The following ADA2 variants were observed in gnomAD, a reference collection of about 807,000 sequenced individuals.
The protein encoded by ADA2 is adenosine deaminase 2.
A neutral mutation model predicts 44.2 loss-of-function variants in ADA2; 29 were observed. That is an observed-to-expected ratio of 0.66 (90% CI 0.49 to 0.89). ADA2 has a LOEUF of 0.89. ADA2 is among the 40% of genes least tolerant of loss of function. The pLI is 0.00. For synonymous variants in ADA2, 215 were observed against 234.9 expected (o/e 0.92, Z 0.77); for missense variants, 637 against 644.8 (o/e 0.99, Z 0.13).
chr22:17,187,629 G>A (rs1344427631), intron 7 of ADA2, among the ~76,000 whole-genome samples: 1 of 149,782 alleles, frequency 6.7e-6, no homozygotes, highest in Non-Finnish European at 1.5e-5. Flanking sequence ...GTAGGATGAT[G>A]TGAGTTTGCA....
intron 4 of ADA2, 108 bp from the exon 5 acceptor site, chr22:17,191,918 A>T: frequency 1.1e-6 from 1 of 878,350 alleles, no homozygotes. Flanking sequence ...CTGCCCAACC[A>T]CCCCCTTCCC....
At chr22:17,188,098 A>G (rs1182868460) in intron 7 of ADA2, among the ~76,000 whole-genome samples, 2 of 101,772 alleles carry the variant, frequency 2.0e-5, no homozygotes, top group Non-Finnish European at 4.2e-5. Flanking sequence ...AAAAAGAAGA[A>G]GAAGAAAAGA....
intron 4 of ADA2, chr22:17,192,892 C>A (rs557616061): frequency 1.2e-5 from 6 of 517,610 alleles, no homozygotes; most frequent in African/African-American, 2.0e-5. Flanking sequence ...GCAGCCATCT[C>A]CTCTTTGGCA....
At chr22:17,210,670 C>T (rs1350281474) in intron 1 of ADA2, among the ~76,000 whole-genome samples, 2 of 151,108 alleles carry the variant, frequency 1.3e-5, no homozygotes, top group Non-Finnish European at 1.5e-5. Flanking sequence ...TGATCTTGGC[C>T]CTCTACAACC....
At chr22:17,196,937 C>A (rs986253549) in intron 4 of ADA2, among the ~76,000 whole-genome samples, 10 of 152,188 alleles carry the variant, frequency 6.6e-5, no homozygotes, top group African/African-American at 2.4e-4. Flanking sequence ...CTTTAGGAGG[C>A]CGAGGCAGGC....
At chr22:17,186,765 A>G (rs1227177389) in intron 7 of ADA2, among the ~76,000 whole-genome samples, 1 of 151,680 alleles carries the variant, frequency 6.6e-6, no homozygotes, top group African/African-American at 2.4e-5. Flanking sequence ...GCTTCTCCAG[A>G]GGCTGAGGCA....
At position 17,179,370 on chromosome 22, in the gene ADA2, TGAAACAATCA is replaced by T; in HGVS notation, c.*2103_*2112del. 1 of 152,304 alleles carries T rather than the reference TGAAACAATCA, an allele frequency of 6.6e-6. No homozygotes were observed. Among genetic ancestry groups the T allele is most frequent in the Admixed American group, 6.5e-5 (1 of 15,282 alleles). 9.4% of individuals were successfully genotyped at this position (152,304 alleles called of 1,614,324 possible). A position where few individuals can be genotyped will look rare whatever the true frequency, so the allele number is the denominator to read the frequency against. ...CCAGGCTCTGGGTTAGCAGCATGCGTGAAACAATCAGAAACAATCATGAGCGCCTGCCCAC... is the reference window on the plus strand; with the variant it reads ...CCAGGCTCTGGGTTAGCAGCATGCGTGAAACAATCATGAGCGCCTGCCCAC... On this transcript the variant is annotated 3_prime_UTR_variant, in exon 10 of 10. Transcript: ENST00000399837.
At chr22:17,194,272 G>A (rs544201343) in intron 4 of ADA2, among the ~76,000 whole-genome samples, 13 of 152,206 alleles carry the variant, frequency 8.5e-5, no homozygotes, top group African/African-American at 2.4e-4. Context: ...CCCGGGAGTC[G>A]GCTCTTGCCT....
intron 7 of ADA2, among the ~76,000 whole-genome samples, chr22:17,184,773 AC>A (rs2062015846): frequency 4.6e-5 from 7 of 150,598 alleles, no homozygotes; most frequent in Admixed American, 4.0e-4. Flanking sequence ...TACAAAAAAT[AC>A]AAAAATTAGC....
chr22:17,209,851 G>A, intron 1 of ADA2, 128 bp from the exon 2 acceptor site: 1 of 600,390 alleles, frequency 1.7e-6, no homozygotes, highest in Non-Finnish European at 2.9e-6. Flanking sequence ...AGACCCCAGA[G>A]AAAAGACCTA....
chr22:17,188,402 C>A lies in ADA2; in HGVS notation c.1018G>T (p.Ala340Ser), dbSNP rs1601430690. 1.2e-6 allele frequency: 2 copies of A among 1,614,116 alleles called. No individual in the cohort carries two copies. Among genetic ancestry groups the A allele is most frequent in the Non-Finnish European group, 1.7e-6 (2 of 1,179,984 alleles). ...CCATCCTTGGCGGGGATCATCAGAG[C>A]TTCCTTGTAGTCATGCAAGGAGTGG... The part of the protein sequence containing the change: ...TGHSLHDYKE[A>S]LMIPAKDGVK... Residue 340 changes from alanine to serine, a missense_variant, in exon 7 of 10, where the codon GCT (alanine) becomes TCT (serine). Coordinates refer to ENST00000399837, the MANE Select transcript of ADA2 (RefSeq NM_001282225.2).
chr22:17,187,559 G>A (rs1329211608), intron 7 of ADA2, among the ~76,000 whole-genome samples: 2 of 151,822 alleles, frequency 1.3e-5, no homozygotes, highest in Non-Finnish European at 2.9e-5. Flanking sequence ...CAAAGTGCTA[G>A]GATTACAGGC....
upstream of ADA2, chr22:17,221,750 G>C (rs983531459): frequency 6.6e-6 from 1 of 152,250 alleles, no homozygotes; most frequent in Non-Finnish European, 1.5e-5. Context: ...TGGGAGCGGT[G>C]AATCAGAGCC....
intron 4 of ADA2, chr22:17,199,839 G>A (rs536855347): frequency 1.0e-5 from 11 of 1,104,696 alleles, no homozygotes; most frequent in Non-Finnish European, 4.7e-6. Context: ...AGTACTTTGG[G>A]AGGCCGACGT....
At chr22:17,199,558 G>C in intron 4 of ADA2, 1 of 1,609,462 alleles carries the variant, frequency 6.2e-7, no homozygotes, top group Non-Finnish European at 8.5e-7. Flanking sequence ...CCAGAGCCCA[G>C]TTCCATTCCA....
rs2231490 is a variant in ADA2, at chr22:17,191,865, C to A, written c.754-55G>T. On this transcript the variant is annotated intron_variant, in intron 4 of 9. Coordinates refer to ENST00000399837, the MANE Select transcript of ADA2 (RefSeq NM_001282225.2). Reference sequence around the variant, plus strand: ...AGGTGAGCAGTGAGAGACGCCACCCCCTTCCCAGCCACCCCTGCCCAGCCA... The same window carrying A: ...AGGTGAGCAGTGAGAGACGCCACCCACTTCCCAGCCACCCCTGCCCAGCCA... 3.1e-3 allele frequency: 4,858 copies of A among 1,558,422 alleles called. 122 individuals are homozygous for A. In the African/African-American group the frequency reaches 0.059, roughly 19 times the overall value.
chr22:17,219,660 G>GTTTTTTTTT (rs1476817588), upstream of ADA2: 3 of 86,938 alleles, frequency 3.5e-5, no homozygotes, highest in Admixed American at 1.5e-4. Context: ...GTGCATGTGG[G>GTTTTTTTTT]GTTTGTTTTT....
chr22:17,203,642 C>T lies in ADA2; in HGVS notation c.674G>A (p.Arg225Lys), dbSNP rs773805484. ...CTGCATGCTCCGGAAGACATAGTCT[C>T]TGAACACTGGTGCGTAATGGATGAG... is the stretch of plus-strand genomic sequence containing the variant. ...SGLIHYAPVFRDYVFRSMQEF... is the reference protein window; with the variant it reads ...SGLIHYAPVFKDYVFRSMQEF... Residue 225 changes from arginine to lysine, a missense_variant, in exon 4 of 10, where the codon AGA becomes AAA. Coordinates refer to ENST00000399837, the MANE Select transcript of ADA2 (RefSeq NM_001282225.2). 1 of 1,614,144 alleles carries T rather than the reference C, an allele frequency of 6.2e-7. No homozygotes were observed. The highest frequency in any genetic ancestry group is 1.7e-5 in the Admixed American group (1 of 60,016).
chr22:17,191,701 A>G lies in ADA2; in HGVS notation c.863T>C (p.Ile288Thr). 1 of 1,613,984 alleles carries G rather than the reference A, an allele frequency of 6.2e-7. No homozygotes were observed. The highest frequency in any genetic ancestry group is 8.5e-7 in the Non-Finnish European group (1 of 1,179,956). ...CTCTCACCTGTGATCCGAATAAATG[A>G]TTTTGATTCCAATAAACTCAGGGTG... ...ETHPEFIGIK[I>T]IYSDHRSKDV... The change falls in exon 5 of 10, where the codon ATC becomes ACC. Residue 288 changes from isoleucine (I) to threonine (T), a missense_variant. Coordinates refer to ENST00000399837, the MANE Select transcript of ADA2 (RefSeq NM_001282225.2).
Sources: gnomAD v4.1 joint callset for allele counts (sites outside exome capture counted in the v4.1 genomes callset) on GRCh38, gnomAD v4.1.1 for gene constraint, MANE v1.5 for transcripts, NCBI Gene and HGNC (gene_info 2026-07-23, HGNC 2026-07-21) for gene names.